Variants in ULK4 observed in about 807,000 individuals in gnomAD.
The protein encoded by ULK4 is inactive serine/threonine-protein kinase ULK4.
ULK4 carries 133 observed loss-of-function variants against 160.6 expected under a neutral mutation model. That is an observed-to-expected ratio of 0.83 (90% CI 0.72 to 0.96). The LOEUF is 0.96. Among genes scored for constraint, ULK4 ranks in the 40% least tolerant of loss-of-function variants. The pLI is 0.00. For missense variants in ULK4, 1,580 were observed against 1,499.5 expected (o/e 1.05, Z -0.89); for synonymous variants, 534 against 539.8 (o/e 0.99, Z 0.15).
At chr3:41,905,839 C>T (rs1354306068) in intron 12 of ULK4, among the ~76,000 whole-genome samples, 2 of 152,086 alleles carry the variant, frequency 1.3e-5, no homozygotes, top group Non-Finnish European at 2.9e-5. Flanking sequence ...CTTTGGGAGG[C>T]GGAGACAGGT....
chr3:41,607,547 T>A (rs1453241844), intron 31 of ULK4, among the ~76,000 whole-genome samples: 2 of 152,174 alleles, frequency 1.3e-5, no homozygotes, highest in Non-Finnish European at 2.9e-5. Context: ...CCCTTTGAAG[T>A]GTAACATTAA....
chr3:41,334,758 G>A (rs2080519784), intron 35 of ULK4, among the ~76,000 whole-genome samples: 1 of 152,168 alleles, frequency 6.6e-6, no homozygotes, highest in South Asian at 2.1e-4. Context: ...TTTAATACAT[G>A]AAAACATATT....
intron 35 of ULK4, among the ~76,000 whole-genome samples, chr3:41,256,094 G>A (rs2078830344): frequency 2.0e-5 from 3 of 152,126 alleles, no homozygotes; most frequent in African/African-American, 7.2e-5. Context: ...TTCAAGGATT[G>A]GAAGGCTCAA....
At chr3:41,456,383 T>C (rs1327845552) in intron 33 of ULK4, among the ~76,000 whole-genome samples, 1 of 137,816 alleles carries the variant, frequency 7.3e-6, no homozygotes, top group African/African-American at 2.8e-5. Flanking sequence ...TTTATGCACA[T>C]GATACATACC....
chr3:41,420,657 G>A (rs1349396176), intron 34 of ULK4, among the ~76,000 whole-genome samples: 2 of 150,828 alleles, frequency 1.3e-5, no homozygotes, highest in Non-Finnish European at 3.0e-5. Flanking sequence ...GCTAATTTTT[G>A]TATTTTTAGT....
At chr3:41,741,606 A>C (rs1160994772) in intron 22 of ULK4, among the ~76,000 whole-genome samples, 1 of 152,012 alleles carries the variant, frequency 6.6e-6, no homozygotes, top group African/African-American at 2.4e-5. Flanking sequence ...CATGCCTGTT[A>C]AAATCAAAGC....
chr3:41,300,401 A>G (rs11924358), intron 35 of ULK4, among the ~76,000 whole-genome samples: 23,594 of 152,142 alleles, frequency 0.16, 2,194 homozygotes, highest in African/African-American at 0.25. Context: ...GTGAATATGC[A>G]TAAGTTTCCG....
At chr3:41,917,817 T>TAAAAAAC (rs1357753955) in intron 7 of ULK4, among the ~76,000 whole-genome samples, 1 of 151,696 alleles carries the variant, frequency 6.6e-6, no homozygotes, top group African/African-American at 2.4e-5. Flanking sequence ...CCGTCTCTAA[T>TAAAAAAC]AAAAAACAAA....
intron 35 of ULK4, among the ~76,000 whole-genome samples, chr3:41,348,045 T>C (rs1010430348): frequency 2.6e-5 from 4 of 151,462 alleles, no homozygotes; most frequent in Non-Finnish European, 5.9e-5. Flanking sequence ...CTGTCTCTAC[T>C]AAAAATACAA....
At chr3:41,923,133 A>T (rs901778481) in intron 5 of ULK4, among the ~76,000 whole-genome samples, 2 of 151,900 alleles carry the variant, frequency 1.3e-5, no homozygotes, top group Non-Finnish European at 2.9e-5. Context: ...ACACCATTGC[A>T]CTCCACCCTG....
intron 34 of ULK4, among the ~76,000 whole-genome samples, chr3:41,411,420 C>CTTTTTTTTTTTTTT (rs556696303): frequency 7.0e-6 from 1 of 143,038 alleles, no homozygotes; most frequent in African/African-American, 2.6e-5. Context: ...ACATTCCTTT[C>CTTTTTTTTTTTTTT]TTTTTTTTTT....
chr3:41,447,917 C>A (rs1415097029), intron 34 of ULK4, among the ~76,000 whole-genome samples: 3 of 152,114 alleles, frequency 2.0e-5, no homozygotes, highest in Non-Finnish European at 1.5e-5. Context: ...AGCAAGCGAG[C>A]CGAGCCAGTG....
intron 32 of ULK4, among the ~76,000 whole-genome samples, chr3:41,495,707 A>G (rs988160933): frequency 6.6e-6 from 1 of 151,838 alleles, no homozygotes; most frequent in African/African-American, 2.4e-5. Context: ...TCCAGAATCT[A>G]CAATGAACTC....
chr3:41,563,548 T>G (rs2087678321), intron 32 of ULK4, among the ~76,000 whole-genome samples: 1 of 152,208 alleles, frequency 6.6e-6, no homozygotes, highest in African/African-American at 2.4e-5. Flanking sequence ...TTGGAGGCTT[T>G]GTTCGTTTCT....
At chr3:41,500,419 G>A (rs6791939) in intron 32 of ULK4, among the ~76,000 whole-genome samples, 812 of 42,564 alleles carry the variant, frequency 0.019, 12 homozygotes, top group African/African-American at 0.033. Context: ...GGCCAGGATA[G>A]GAGTTCTTAT....
In ULK4 at chr3:41,681,916, G is replaced by T. The variant is rs933672469; in HGVS notation, c.2782-112C>A. The T allele has an allele frequency of 6.4e-6, 7 of 1,091,378 alleles. No homozygotes were observed. The African/African-American group carries it at 9.5e-5, about 15-fold the overall frequency. 67.6% of individuals were successfully genotyped at this position (1,091,378 alleles called of 1,614,324 possible). A position where few individuals can be genotyped will look rare whatever the true frequency, so the allele number is the denominator to read the frequency against. On this transcript the variant is annotated intron_variant, in intron 27 of 36. Coordinates refer to ENST00000301831, the MANE Select transcript of ULK4 (RefSeq NM_017886.4). ...TCCCTAATCAAAGGAGTGAAAAAAA[G>T]CAACGGCTAAGTTTATCCTGGATTT...
intron 32 of ULK4, among the ~76,000 whole-genome samples, chr3:41,562,687 C>CA (rs930266416): frequency 1.3e-5 from 2 of 151,324 alleles, no homozygotes; most frequent in East Asian, 3.9e-4. Context: ...GTAACCCCTG[C>CA]TTTTTTTTTG....
chr3:41,291,413 AGAAG>A (rs1360475121), intron 35 of ULK4, among the ~76,000 whole-genome samples: 2 of 56,490 alleles, frequency 3.5e-5, no homozygotes, highest in Non-Finnish European at 1.1e-4. Context: ...GAATAACGAA[AGAAG>A]GAAGGAGAGA....
chr3:41,696,792 TATA>T (rs1449813720), intron 27 of ULK4, among the ~76,000 whole-genome samples: 1 of 152,090 alleles, frequency 6.6e-6, no homozygotes, highest in Non-Finnish European at 1.5e-5. Context: ...GTGGGTCCAA[TATA>T]ATAATAAGGA....
Sources: gnomAD v4.1 joint callset for allele counts (sites outside exome capture counted in the v4.1 genomes callset) on GRCh38, gnomAD v4.1.1 for gene constraint, MANE v1.5 for transcripts, NCBI Gene and HGNC (gene_info 2026-07-23, HGNC 2026-07-21) for gene names.